LIN52: variants seen among roughly 807,000 people sequenced by gnomAD.
LIN52 encodes lin-52 DREAM MuvB core complex component.
LIN52 carries 4 observed loss-of-function variants against 18.5 expected under a neutral mutation model. The ratio of observed to expected loss-of-function variants is 0.22; its 90% CI spans 0.11 to 0.49. The LOEUF (loss-of-function observed/expected upper bound fraction) is 0.49. LIN52 is among the 20% of genes least tolerant of loss of function. The pLI, the probability that LIN52 is intolerant of heterozygous loss-of-function variation, is 0.97. For synonymous variants in LIN52, 34 were observed against 45.5 expected (o/e 0.75, Z 1.02); for missense variants, 102 against 139.5 (o/e 0.73, Z 1.35).
intron 5 of LIN52, chr14:74,114,175 AGTGT>A (rs55840907): frequency 0.32 from 297,856 of 930,958 alleles, 11,975 homozygotes; most frequent in Non-Finnish European, 0.34. Flanking sequence ...AACTGAGATT[AGTGT>A]GTGTGTGTGT....
At chr14:74,196,078 T>C (rs191842460) in intron 5 of LIN52, among the ~76,000 whole-genome samples, 33 of 152,290 alleles carry the variant, frequency 2.2e-4, no homozygotes, top group Admixed American at 2.1e-3. Context: ...GTAGGAAAAC[T>C]TTCTCTCCTC....
chr14:74,167,596 A>G (rs748572262), intron 5 of LIN52, among the ~76,000 whole-genome samples: 7 of 152,146 alleles, frequency 4.6e-5, no homozygotes, highest in Non-Finnish European at 8.8e-5. Flanking sequence ...ATGTAACCCA[A>G]TTCACTCAGG....
At position 74,165,537 on chromosome 14, in the gene LIN52, G is replaced by A. The variant is rs538820728; in HGVS notation, c.284-33385G>A. The stretch of plus-strand genomic sequence containing the variant: ...TCTTTTTTTTTTTTTTTGAGACAGA[G>A]TCTCAGTCACCCAGACTGAAGTACA... On this transcript the variant is annotated intron_variant, in intron 5 of 5. Coordinates refer to ENST00000555028, the MANE Select transcript of LIN52 (RefSeq NM_001024674.3). Among the ~76,000 whole-genome samples the A allele has an allele frequency of 1.1e-4, 5 of 47,216 alleles. No individual in the cohort carries two copies. The South Asian group carries it at 3.1e-3, about 30-fold the overall frequency. 31.0% of individuals were successfully genotyped at this position (47,216 alleles called of 152,430 possible).
intron 5 of LIN52, among the ~76,000 whole-genome samples, chr14:74,163,028 A>G (rs1371358772): frequency 6.6e-6 from 1 of 152,220 alleles, no homozygotes; most frequent in Non-Finnish European, 1.5e-5. Context: ...ATAGCCATCA[A>G]AGCAGTCAAG....
At chr14:74,145,685 A>G (rs1338901326) in intron 5 of LIN52, among the ~76,000 whole-genome samples, 1 of 152,264 alleles carries the variant, frequency 6.6e-6, no homozygotes, top group East Asian at 1.9e-4. Flanking sequence ...TGTAAACTAT[A>G]GTAATTAAAG....
intron 2 of LIN52, among the ~76,000 whole-genome samples, chr14:74,093,655 G>C (rs751983799): frequency 6.6e-6 from 1 of 152,110 alleles, no homozygotes. Flanking sequence ...ACTGTTAATC[G>C]TACAAATCCT....
chr14:74,130,605 T>TC (rs2061060493), intron 5 of LIN52, among the ~76,000 whole-genome samples: 1 of 140,240 alleles, frequency 7.1e-6, no homozygotes, highest in Non-Finnish European at 1.6e-5. Flanking sequence ...TTTTTTTTTT[T>TC]TTTTTTTGAG....
chr14:74,189,355 G>A (rs950879389), intron 5 of LIN52, among the ~76,000 whole-genome samples: 2 of 152,170 alleles, frequency 1.3e-5, no homozygotes, highest in Non-Finnish European at 2.9e-5. Flanking sequence ...AGCCCCCAGA[G>A]TATTAATTCA....
intron 5 of LIN52, among the ~76,000 whole-genome samples, chr14:74,179,071 C>T (rs2061305510): frequency 6.6e-6 from 1 of 151,368 alleles, no homozygotes; most frequent in Admixed American, 6.6e-5. Flanking sequence ...AGAATGAGAC[C>T]CTGTCTCAAA....
rs950671782 is a variant in LIN52 at position 74,133,252 on chromosome 14, C to T, written c.283+32014C>T. Reference sequence around the variant, plus strand: ...GTTGGTGTTTTTAAAACCTGCTAGTCGCATCTAAATAAGCTGGGGAAGATG... The same window carrying T: ...GTTGGTGTTTTTAAAACCTGCTAGTTGCATCTAAATAAGCTGGGGAAGATG... On this transcript the variant is annotated intron_variant, in intron 5 of 5. Coordinates refer to ENST00000555028, the MANE Select transcript of LIN52 (RefSeq NM_001024674.3). Among the ~76,000 whole-genome samples the T allele has an allele frequency of 3.3e-5, 5 of 152,258 alleles. No individual in the cohort carries two copies. In the East Asian group the frequency reaches 5.8e-4, roughly 18 times the overall value.
intron 5 of LIN52, among the ~76,000 whole-genome samples, chr14:74,125,539 G>A (rs1346684509): frequency 3.3e-5 from 5 of 152,044 alleles, no homozygotes; most frequent in South Asian, 2.1e-4. Flanking sequence ...CGAGTAGATT[G>A]CAAAAATTTT....
chr14:74,095,939 TC>T lies in LIN52; in HGVS notation c.95-8del. The T allele has an allele frequency of 6.3e-7, 1 of 1,599,702 alleles. No individual in the cohort carries two copies. On this transcript the variant is annotated splice_region_variant and splice_polypyrimidine_tract_variant and intron_variant, in intron 2 of 5. Transcript: ENST00000555028. ...TATTGAATAAATAAAGTTTTGTTTT[TC>T]TTTTTAGTACCAGGTGTTGCTGAAT... is the stretch of plus-strand genomic sequence containing the variant.
chr14:74,199,055 A>C lies in LIN52; in HGVS notation c.*78A>C. Reference sequence around the variant, plus strand: ...GTGCACCTCTAACAATGCACACCTCACTGCTTGCTTGGGAGAGGCCAGAGG... The same window carrying C: ...GTGCACCTCTAACAATGCACACCTCCCTGCTTGCTTGGGAGAGGCCAGAGG... On this transcript the variant is annotated 3_prime_UTR_variant, in exon 6 of 6. Transcript: ENST00000555028. 6.8e-6 allele frequency: 7 copies of C among 1,028,324 alleles called. No homozygotes were observed. Among genetic ancestry groups the C allele is most frequent in the Non-Finnish European group, 1.1e-5 (7 of 655,426 alleles). 63.7% of individuals were successfully genotyped at this position (1,028,324 alleles called of 1,614,324 possible).
Position 74,091,371 on chromosome 14 carries a change from T to G in LIN52, c.94+65T>G, listed in dbSNP as rs970167044. 3.6e-6 allele frequency: 4 copies of G among 1,118,312 alleles called. No individual in the cohort carries two copies. In the African/African-American group the frequency reaches 6.3e-5, roughly 18 times the overall value. 69.3% of individuals were successfully genotyped at this position (1,118,312 alleles called of 1,614,324 possible). A position where few individuals can be genotyped will look rare whatever the true frequency, so the allele number is the denominator to read the frequency against. On this transcript the variant is annotated intron_variant, in intron 2 of 5. Transcript: ENST00000555028. The stretch of plus-strand genomic sequence containing the variant: ...GAAACAATGTTCCTTTTTAAAGAGA[T>G]TTTTAAAGAGTTATTTATTTTGTAA...
At chr14:74,192,669 G>T in intron 5 of LIN52, 1 of 252,198 alleles carries the variant, frequency 4.0e-6, no homozygotes, top group Non-Finnish European at 7.8e-6. Context: ...TACACCACTT[G>T]GTAGACTAAT....
intron 5 of LIN52, among the ~76,000 whole-genome samples, chr14:74,128,396 G>A (rs2061040041): frequency 6.6e-6 from 1 of 152,150 alleles, no homozygotes; most frequent in African/African-American, 2.4e-5. Flanking sequence ...ACATTCATGT[G>A]AGGGAGCTTC....
chr14:74,173,308 C>G (rs1049077306), intron 5 of LIN52, among the ~76,000 whole-genome samples: 1 of 152,148 alleles, frequency 6.6e-6, no homozygotes, highest in African/African-American at 2.4e-5. Flanking sequence ...CTGCCTCAGC[C>G]CCCTGAATAG....
intron 2 of LIN52, among the ~76,000 whole-genome samples, chr14:74,094,338 C>T (rs1028990903): frequency 6.6e-6 from 1 of 151,774 alleles, no homozygotes; most frequent in African/African-American, 2.4e-5. Flanking sequence ...CAGCTGACTG[C>T]AGCCTCAACC....
intron 5 of LIN52, among the ~76,000 whole-genome samples, chr14:74,185,113 A>C (rs1425775001): frequency 1.3e-5 from 2 of 151,852 alleles, no homozygotes; most frequent in African/African-American, 4.8e-5. Context: ...TTTAGTAGAA[A>C]TCTAGGCACT....
Sources: gnomAD v4.1 joint callset for allele counts (sites outside exome capture counted in the v4.1 genomes callset) on GRCh38, gnomAD v4.1.1 for gene constraint, MANE v1.5 for transcripts, NCBI Gene and HGNC (gene_info 2026-07-23, HGNC 2026-07-21) for gene names.